The following FRAS1 variants were observed in gnomAD, a reference collection of about 807,000 sequenced individuals.
FRAS1 encodes the protein Fraser extracellular matrix complex subunit 1, also known as extracellular matrix organizing protein FRAS1.
A neutral mutation model predicts 435.2 loss-of-function variants in FRAS1; 290 were observed. The observed-to-expected ratio is 0.67, with a 90% CI of 0.61 to 0.73. FRAS1 has a LOEUF of 0.73. Ranked by LOEUF, FRAS1 falls within the 30% of genes least tolerant of loss-of-function variation. The pLI is 0.00. For missense variants in FRAS1, 4,860 were observed against 5,001.5 expected, an observed-to-expected ratio of 0.97 and a Z score of 0.85; for synonymous variants, 1,800 against 1,851.0, an observed-to-expected ratio of 0.97 and a Z score of 0.71.
chr4:78,340,414 C>G (rs1258293952), intron 20 of FRAS1, among the ~76,000 whole-genome samples: 3 of 152,026 alleles, frequency 2.0e-5, no homozygotes, highest in Non-Finnish European at 2.9e-5. Context: ...CTGTGCTGAC[C>G]CCAAAGTTTA....
At chr4:78,339,926 G>A (rs771448739) in intron 20 of FRAS1, among the ~76,000 whole-genome samples, 34 of 152,142 alleles carry the variant, frequency 2.2e-4, no homozygotes, top group Non-Finnish European at 3.7e-4. Context: ...GAGTTAGAAG[G>A]TAGGACCTGA....
At chr4:78,120,084 T>C (rs1334814860) in intron 2 of FRAS1, among the ~76,000 whole-genome samples, 1 of 152,222 alleles carries the variant, frequency 6.6e-6, no homozygotes. Flanking sequence ...TATGAATGGA[T>C]GTTTATCATA....
At position 78,238,574 on chromosome 4, in the gene FRAS1, C is replaced by T. The variant is rs1378572782; in HGVS notation, c.216+957C>T. Reference sequence around the variant, plus strand: ...CTTTAAGAGTATTCCTTCATTTCTGCATGAGTGTATTCCTGAGAAGCTGGG... The same window carrying T: ...CTTTAAGAGTATTCCTTCATTTCTGTATGAGTGTATTCCTGAGAAGCTGGG... On this transcript the variant is annotated intron_variant, in intron 3 of 73. Transcript: ENST00000512123. Among the ~76,000 whole-genome samples, 3 of 151,976 alleles carry T rather than the reference C, an allele frequency of 2.0e-5. No individual in the cohort carries two copies. The East Asian group carries it at 5.8e-4, about 29-fold the overall frequency.
chr4:78,203,691 T>C (rs927917555), intron 2 of FRAS1, among the ~76,000 whole-genome samples: 2 of 152,142 alleles, frequency 1.3e-5, no homozygotes, highest in African/African-American at 4.8e-5. Flanking sequence ...TTCAGCCTCC[T>C]GAGTAGCTGG....
At chr4:78,436,759 T>C (rs561225851) in intron 38 of FRAS1, among the ~76,000 whole-genome samples, 1 of 151,974 alleles carries the variant, frequency 6.6e-6, no homozygotes, top group East Asian at 1.9e-4. Flanking sequence ...GTTAAAAAAA[T>C]GAAAAATATG....
intron 59 of FRAS1, among the ~76,000 whole-genome samples, chr4:78,489,969 A>AAAAAAAAAC (rs71661168): frequency 1.4e-4 from 1 of 7,032 alleles, no homozygotes; most frequent in Non-Finnish European, 3.9e-4. Context: ...AGTGGAAAAC[A>AAAAAAAAAC]AAAAAAAAAA....
chr4:78,081,207 G>T (rs1024363613), intron 2 of FRAS1, among the ~76,000 whole-genome samples: 3 of 152,116 alleles, frequency 2.0e-5, no homozygotes, highest in Non-Finnish European at 2.9e-5. Context: ...CCACAAGGGA[G>T]AATATTGGCC....
In FRAS1 at chr4:78,188,302, TATCTATCTATCTATCTA is replaced by T. The variant is rs1452324354; in HGVS notation, c.109-49193_109-49177del. ...CTGTCTATCTATCTATCTATCTATC[TATCTATCTATCTATCTA>T]ATCTATCTATCTATATTTAGGTTGG... On this transcript the variant is annotated intron_variant, in intron 2 of 73. Coordinates refer to ENST00000512123, the MANE Select transcript of FRAS1 (RefSeq NM_025074.7). Among the ~76,000 whole-genome samples the T allele has an allele frequency of 0.05, 572 of 11,472 alleles. 5 individuals are homozygous for T. In the East Asian group the frequency reaches 0.5, roughly 10 times the overall value. 7.5% of individuals were successfully genotyped at this position (11,472 alleles called of 152,430 possible). A position where few individuals can be genotyped will look rare whatever the true frequency, so the allele number is the denominator to read the frequency against.
chr4:78,178,940 C>T (rs900603346), intron 2 of FRAS1, among the ~76,000 whole-genome samples: 10 of 152,198 alleles, frequency 6.6e-5, no homozygotes, highest in South Asian at 2.1e-4. Context: ...CCCTAACTAC[C>T]GCTGATGCAC....
chr4:78,067,672 TTTATTATTATTATTA>T (rs60743368), intron 2 of FRAS1, among the ~76,000 whole-genome samples: 9,917 of 125,684 alleles, frequency 0.079, 493 homozygotes, highest in Middle Eastern at 0.12. Flanking sequence ...TTTTCTTTCT[TTTATTATTATTATTA>T]TTATTATTAT....
chr4:78,119,521 T>G (rs1480675965), intron 2 of FRAS1, among the ~76,000 whole-genome samples: 1 of 152,214 alleles, frequency 6.6e-6, no homozygotes, highest in Non-Finnish European at 1.5e-5. Context: ...GATTTCATTC[T>G]TTTTATGGCT....
intron 73 of FRAS1, among the ~76,000 whole-genome samples, chr4:78,539,989 G>A (rs1721999240): frequency 6.6e-6 from 1 of 152,212 alleles, no homozygotes; most frequent in Non-Finnish European, 1.5e-5. Context: ...TTTAATGGAG[G>A]AAGATGAGGG....
At chr4:78,245,584 AG>A (rs1180816285) in intron 4 of FRAS1, among the ~76,000 whole-genome samples, 1 of 152,202 alleles carries the variant, frequency 6.6e-6, no homozygotes, top group Non-Finnish European at 1.5e-5. Flanking sequence ...GAATAGTAAA[AG>A]TACCTCCCTC....
At chr4:78,076,479 A>C (rs1740646808) in intron 2 of FRAS1, among the ~76,000 whole-genome samples, 1 of 152,172 alleles carries the variant, frequency 6.6e-6, no homozygotes, top group South Asian at 2.1e-4. Flanking sequence ...GTTGTATTAA[A>C]ATTTTTTGTT....
chr4:78,456,145 T>TTTTCTTTTC (rs1560738479), intron 47 of FRAS1, among the ~76,000 whole-genome samples: 1 of 138,426 alleles, frequency 7.2e-6, no homozygotes. Flanking sequence ...TCACTTTTTT[T>TTTTCTTTTC]TTTTTTTTTT....
At chr4:78,140,216 C>T (rs1231192998) in intron 2 of FRAS1, among the ~76,000 whole-genome samples, 1 of 152,036 alleles carries the variant, frequency 6.6e-6, no homozygotes, top group South Asian at 2.1e-4. Flanking sequence ...TAAAAATATA[C>T]CCAAGAGAAC....
At chr4:78,410,485 T>A (rs1004073298) in intron 31 of FRAS1, among the ~76,000 whole-genome samples, 1 of 151,882 alleles carries the variant, frequency 6.6e-6, no homozygotes, top group Middle Eastern at 3.4e-3. Context: ...AGACATCCAG[T>A]TGAATGAACA....
intron 56 of FRAS1, 112 bp downstream of exon 56, chr4:78,479,830 G>A (rs780247396): frequency 3.8e-6 from 3 of 792,340 alleles, no homozygotes; most frequent in Admixed American, 3.1e-5. Context: ...CCATTCCTCA[G>A]GGATACCACT....
rs889285194 is a variant in FRAS1 at position 78,372,725 on chromosome 4, T to C, written c.2877T>C (p.Asp959=). The change falls in exon 24 of 74, where the codon GAT becomes GAC. Residue 959 remains aspartate (D), a synonymous_variant. Transcript: ENST00000512123. ...DFSTNTCKEC[D]WSCSACSGPL... Reference sequence around the variant, plus strand: ...TGCAGACTTTCTTTTTAGAGTGTGATTGGAGCTGCAGTGCATGCAGTGGGC... The same window carrying C: ...TGCAGACTTTCTTTTTAGAGTGTGACTGGAGCTGCAGTGCATGCAGTGGGC... 1 of 1,612,470 alleles carries C rather than the reference T, an allele frequency of 6.2e-7. No individual in the cohort carries two copies. Among genetic ancestry groups the C allele is most frequent in the African/African-American group, 1.3e-5 (1 of 74,896 alleles).
Sources: allele counts gnomAD v4.1 joint callset (sites outside exome capture counted in the v4.1 genomes callset), GRCh38; gene constraint gnomAD v4.1.1; transcripts MANE v1.5; gene names NCBI Gene and HGNC (gene_info 2026-07-23, HGNC 2026-07-21).